HSPBAP1: variants seen among roughly 807,000 people sequenced by gnomAD.
HSPBAP1 encodes HSPB1-associated protein 1.
In HSPBAP1, 27 loss-of-function variants were observed where a neutral mutation model predicts 45.2. The observed-to-expected ratio is 0.60, with a 90% confidence interval of 0.44 to 0.82. HSPBAP1 has a LOEUF of 0.82. HSPBAP1 is among the 40% of genes least tolerant of loss of function. The pLI is 0.00. For synonymous variants in HSPBAP1, 204 were observed against 202.7 expected, an observed-to-expected ratio of 1.01 and a Z score of -0.06; for missense variants, 510 against 590.9, an observed-to-expected ratio of 0.86 and a Z score of 1.42.
intron 2 of HSPBAP1, among the ~76,000 whole-genome samples, chr3:122,770,498 A>G (rs1414287424): frequency 6.6e-6 from 1 of 152,160 alleles, no homozygotes; most frequent in Admixed American, 6.5e-5. Flanking sequence ...CAGGAGTTTG[A>G]GATCATCCTG....
chr3:122,768,748 A>G lies in HSPBAP1; in HGVS notation c.385T>C (p.Tyr129His). The change falls in exon 3 of 8, where the codon TAT becomes CAT. Residue 129 changes from tyrosine (Y) to histidine (H), a missense_variant. Physicochemically the swap from Tyr to His is moderately conservative, Grantham distance 83 (BLOSUM62 2). Coordinates refer to ENST00000306103, the MANE Select transcript of HSPBAP1 (RefSeq NM_024610.6). Reference protein sequence around the residue: ...DHSKFWAYADYKYFVSLFEDK... With the variant: ...DHSKFWAYADHKYFVSLFEDK... ...TCAAATAGACTGACAAAATATTTATAGTCAGCATAAGCCCAGAACTTGGAA... is the reference window on the plus strand; with the variant it reads ...TCAAATAGACTGACAAAATATTTATGGTCAGCATAAGCCCAGAACTTGGAA... 1 of 1,612,348 alleles carries G rather than the reference A, an allele frequency of 6.2e-7. No individual in the cohort carries two copies. Among genetic ancestry groups the G allele is most frequent in the Non-Finnish European group, 8.5e-7 (1 of 1,178,384 alleles).
intron 6 of HSPBAP1, among the ~76,000 whole-genome samples, chr3:122,747,262 G>A (rs1480156834): frequency 8.6e-5 from 13 of 151,232 alleles, no homozygotes; most frequent in Non-Finnish European, 1.0e-4. Flanking sequence ...GTCTCTGCCC[G>A]GCCGCCCATC....
intron 2 of HSPBAP1, among the ~76,000 whole-genome samples, chr3:122,774,364 G>C (rs7620626): frequency 5.5e-4 from 83 of 152,262 alleles, no homozygotes; most frequent in African/African-American, 2.0e-3. Context: ...TAGGGGGAAA[G>C]GGAAGTGAGA....
At chr3:122,793,179 C>G (rs1195098224) in intron 1 of HSPBAP1, among the ~76,000 whole-genome samples, 1 of 152,210 alleles carries the variant, frequency 6.6e-6, no homozygotes, top group Non-Finnish European at 1.5e-5. Context: ...CATGGGCCTC[C>G]AAACCTCATC....
intron 1 of HSPBAP1, among the ~76,000 whole-genome samples, chr3:122,791,773 A>G (rs1158914622): frequency 6.6e-6 from 1 of 152,240 alleles, no homozygotes; most frequent in Non-Finnish European, 1.5e-5. Flanking sequence ...CCTGCTAAAG[A>G]CATCAGCAGA....
At chr3:122,778,210 T>G (rs1560155345) in intron 1 of HSPBAP1, among the ~76,000 whole-genome samples, 1 of 79,638 alleles carries the variant, frequency 1.3e-5, no homozygotes, top group Admixed American at 1.1e-4. Flanking sequence ...CAGGTAGTTT[T>G]TTTTGTTGTT....
At chr3:122,744,598 T>C (rs1320186005) in intron 6 of HSPBAP1, among the ~76,000 whole-genome samples, 1 of 152,202 alleles carries the variant, frequency 6.6e-6, no homozygotes, top group Non-Finnish European at 1.5e-5. Context: ...GGAGGTCTGG[T>C]TTGGTGAAGG....
At position 122,740,590 on chromosome 3, in the gene HSPBAP1, C is replaced by G. The variant is rs1933628421; in HGVS notation, c.1222G>C (p.Gly408Arg). 5.0e-6 allele frequency: 8 copies of G among 1,614,182 alleles called. No individual in the cohort carries two copies. The highest frequency in any genetic ancestry group is 1.1e-5 in the South Asian group (1 of 91,090). The change falls in exon 8 of 8, where the codon GGC (glycine) becomes CGC (arginine). Residue 408 changes from glycine to arginine, a missense_variant. Transcript: ENST00000306103. ...TCTTTCCCATCACTTCCAAATATGC[C>G]TCCTCTTTCTGAAGGCGGTTCTTCG... The part of the protein sequence containing the change: ...RSEEPPSERG[G>R]IFGSDGKDFV...
intron 2 of HSPBAP1, among the ~76,000 whole-genome samples, chr3:122,772,427 T>C (rs893746631): frequency 4.6e-5 from 7 of 152,182 alleles, no homozygotes; most frequent in African/African-American, 1.4e-4. Context: ...AAAACTGTTT[T>C]ACTGGCCCCC....
At chr3:122,744,808 A>G (rs1933787708) in intron 6 of HSPBAP1, among the ~76,000 whole-genome samples, 1 of 152,362 alleles carries the variant, frequency 6.6e-6, no homozygotes. Flanking sequence ...GCATATCTAA[A>G]TAAAATATGA....
At chr3:122,754,906 A>C in intron 5 of HSPBAP1, 3 of 1,005,264 alleles carry the variant, frequency 3.0e-6, no homozygotes, top group Non-Finnish European at 3.6e-6. Flanking sequence ...TTGAACAGAT[A>C]CTAACTGTGA....
chr3:122,787,872 A>G (rs1271276123), intron 1 of HSPBAP1, among the ~76,000 whole-genome samples: 1 of 152,226 alleles, frequency 6.6e-6, no homozygotes, highest in South Asian at 2.1e-4. Context: ...AGAATTTTTC[A>G]TTTTGTAACC....
chr3:122,753,582 CT>C, intron 5 of HSPBAP1: 1 of 984,478 alleles, frequency 1.0e-6, no homozygotes, highest in Non-Finnish European at 1.2e-6. Flanking sequence ...AGGATGGCAT[CT>C]ATCCAGACTC....
chr3:122,753,816 G>C, intron 5 of HSPBAP1: 1 of 985,152 alleles, frequency 1.0e-6, no homozygotes, highest in Non-Finnish European at 1.2e-6. Context: ...GTGACAGAAA[G>C]AGCTGGGTTT....
chr3:122,750,971 G>A (rs1934114645), intron 6 of HSPBAP1, among the ~76,000 whole-genome samples: 1 of 152,178 alleles, frequency 6.6e-6, no homozygotes, highest in South Asian at 2.1e-4. Context: ...ATAGGTACAG[G>A]ATAGGATTCA....
At chr3:122,774,619 G>A (rs1935124597) in intron 2 of HSPBAP1, among the ~76,000 whole-genome samples, 1 of 152,184 alleles carries the variant, frequency 6.6e-6, no homozygotes, top group African/African-American at 2.4e-5. Flanking sequence ...GTCATCTCTG[G>A]CTTCAGTATG....
chr3:122,785,627 C>T (rs13095775), intron 1 of HSPBAP1, among the ~76,000 whole-genome samples: 15,412 of 152,212 alleles, frequency 0.1, 808 homozygotes, highest in East Asian at 0.13. Flanking sequence ...CTCTCCCCAG[C>T]TGTGGGACCC....
chr3:122,746,104 C>G (rs1560107364), intron 6 of HSPBAP1, among the ~76,000 whole-genome samples: 1 of 152,066 alleles, frequency 6.6e-6, no homozygotes, highest in Non-Finnish European at 1.5e-5. Context: ...GGAGATACTA[C>G]TGTATTTAGG....
intron 2 of HSPBAP1, among the ~76,000 whole-genome samples, chr3:122,772,998 A>G (rs1935054716): frequency 6.6e-6 from 1 of 151,984 alleles, no homozygotes; most frequent in South Asian, 2.1e-4. Context: ...ACAGGTGTGC[A>G]CCATCACACC....
Sources: allele counts gnomAD v4.1 joint callset (sites outside exome capture counted in the v4.1 genomes callset), GRCh38; gene constraint gnomAD v4.1.1; transcripts MANE v1.5; gene names NCBI Gene and HGNC (gene_info 2026-07-23, HGNC 2026-07-21).